CD164: variants seen among roughly 807,000 people sequenced by gnomAD.
CD164 encodes sialomucin core protein 24.
In CD164, 11 loss-of-function variants were observed where a neutral mutation model predicts 24.6. The observed-to-expected ratio is 0.45, with a 90% confidence interval of 0.28 to 0.74. The LOEUF (loss-of-function observed/expected upper bound fraction) is 0.74. Among genes scored for constraint, CD164 ranks in the 30% least tolerant of loss-of-function variants. The pLI is 0.13. For synonymous variants in CD164, 126 were observed against 100.3 expected (o/e 1.26, Z -1.53); for missense variants, 295 against 243.7 (o/e 1.21, Z -1.40).
At position 109,368,810 on chromosome 6, in the gene CD164, C is replaced by A. The variant is rs768492883; in HGVS notation, c.*41G>T. On this transcript the variant is annotated 3_prime_UTR_variant, in exon 6 of 6. Transcript: ENST00000310786. ...ATAGTATTTTGGCTTCAGTGAGTTA[C>A]ACAAATGAATCACCAGTCCTTATTA... 5 of 1,574,776 alleles carry A rather than the reference C, an allele frequency of 3.2e-6. No individual in the cohort carries two copies. Among genetic ancestry groups the A allele is most frequent in the Non-Finnish European group, 4.3e-6 (5 of 1,165,272 alleles).
chr6:109,372,452 T>C (rs1349717476), intron 4 of CD164: 1 of 152,212 alleles, frequency 6.6e-6, no homozygotes, highest in Non-Finnish European at 1.5e-5. Context: ...TTTATTAATA[T>C]TGATACTACT....
rs1271328811 is a variant in CD164 at position 109,377,905 on chromosome 6, C to G, written c.326G>C (p.Cys109Ser). The G allele has an allele frequency of 6.2e-7, 1 of 1,613,004 alleles. No homozygotes were observed. The highest frequency in any genetic ancestry group is 1.3e-5 in the African/African-American group (1 of 74,884). ...DCQVGNTTDF[C>S]SVSTATPVPT... ...CAGCCAATATGAATACTTACCGGAA[C>G]AGAAGTCTGTCGTGTTCCCCACTTG... The change falls in exon 3 of 6, where the codon TGT (cysteine) becomes TCT (serine). Residue 109 changes from cysteine (C) to serine (S), a missense_variant. Physicochemically the swap from Cys to Ser is moderately radical, Grantham distance 112. Transcript: ENST00000310786.
chr6:109,370,272 T>TG (rs1412668627), intron 5 of CD164, 139 bp downstream of exon 5: 7 of 667,956 alleles, frequency 1.0e-5, no homozygotes, highest in Non-Finnish European at 1.6e-5. Flanking sequence ...AGCACTACCT[T>TG]GATCCCCCCT....
intron 2 of CD164, among the ~76,000 whole-genome samples, chr6:109,378,274 A>T (rs1268343214): frequency 6.6e-6 from 1 of 152,198 alleles, no homozygotes; most frequent in Non-Finnish European, 1.5e-5. Context: ...ACTACTGTAC[A>T]ATCAAGAAAG....
intron 1 of CD164, chr6:109,381,392 A>T: frequency 4.6e-6 from 3 of 656,840 alleles, no homozygotes; most frequent in Non-Finnish European, 8.2e-6. Context: ...ATCTGAGCAC[A>T]GGACATAGTT....
rs1377946143 is a variant in CD164, at chr6:109,368,393, AAATT to A, written c.*454_*457del. The A allele has an allele frequency of 4.9e-5, 72 of 1,461,574 alleles. No individual in the cohort carries two copies. The Middle Eastern group carries it at 2.5e-3, about 50-fold the overall frequency. 90.5% of individuals were successfully genotyped at this position (1,461,574 alleles called of 1,614,324 possible). A position where few individuals can be genotyped will look rare whatever the true frequency, so the allele number is the denominator to read the frequency against. ...TCTAAGGATACCATTTAGTACTACTAAATTAATAAATTTATTCCACTTTTGAAAT... is the reference window on the plus strand; with the variant it reads ...TCTAAGGATACCATTTAGTACTACTAAATAAATTTATTCCACTTTTGAAAT... On this transcript the variant is annotated 3_prime_UTR_variant, in exon 6 of 6. Coordinates refer to ENST00000310786, the MANE Select transcript of CD164 (RefSeq NM_006016.6).
Position 109,368,732 on chromosome 6 carries a change from A to G in CD164, c.*119T>C. 1 of 1,441,600 alleles carries G rather than the reference A, an allele frequency of 6.9e-7. No individual in the cohort carries two copies. Among genetic ancestry groups the G allele is most frequent in the South Asian group, 1.6e-5 (1 of 62,434 alleles). 89.3% of individuals were successfully genotyped at this position (1,441,600 alleles called of 1,614,324 possible). A position where few individuals can be genotyped will look rare whatever the true frequency, so the allele number is the denominator to read the frequency against. On this transcript the variant is annotated 3_prime_UTR_variant, in exon 6 of 6. Transcript: ENST00000310786. ...GCTCCCAAACATCCTATATGCATCC[A>G]TGGAAATTTAAAGATCCTGGAATAG... is the stretch of plus-strand genomic sequence containing the variant.
intron 5 of CD164, among the ~76,000 whole-genome samples, chr6:109,369,818 G>C (rs2115142120): frequency 6.6e-6 from 1 of 152,260 alleles, no homozygotes; most frequent in African/African-American, 2.4e-5. Flanking sequence ...AGATTCATTA[G>C]CATCAGTTTT....
At chr6:109,370,310 TAACCATTAACGAAGA>T in intron 5 of CD164, 86 bp downstream of exon 5, 1 of 916,648 alleles carries the variant, frequency 1.1e-6, no homozygotes, top group East Asian at 2.5e-5. Flanking sequence ...TTCAGTTCCA[TAACCATTAACGAAGA>T]AAGCTGGAAA....
chr6:109,382,428 A>C lies in CD164; in HGVS notation c.-50T>G. On this transcript the variant is annotated 5_prime_UTR_variant, in exon 1 of 6. Transcript: ENST00000310786. ...GAGAAAGCTAAGGCTCGCAACGCTC[A>C]GTCAACCCCTCAATCCCCTGCGGCG... 3 of 1,450,534 alleles carry C rather than the reference A, an allele frequency of 2.1e-6. No individual in the cohort carries two copies. The highest frequency in any genetic ancestry group is 2.7e-6 in the Non-Finnish European group (3 of 1,094,180). The allele number at this position is 1,450,534 out of a possible 1,614,324, so 89.9% of individuals were successfully genotyped here.
intron 5 of CD164, 141 bp downstream of exon 5, chr6:109,370,270 C>T (rs1771002752): frequency 1.5e-6 from 1 of 663,778 alleles, no homozygotes; most frequent in African/African-American, 1.9e-5. Flanking sequence ...AAAGCACTAC[C>T]TTGATCCCCC....
In CD164 at chr6:109,368,743, A is replaced by C; in HGVS notation, c.*108T>G. The stretch of plus-strand genomic sequence containing the variant: ...TCCTATATGCATCCATGGAAATTTA[A>C]AGATCCTGGAATAGCGTCTTCCATG... On this transcript the variant is annotated 3_prime_UTR_variant, in exon 6 of 6. Transcript: ENST00000310786. 6.9e-7 allele frequency: 1 copy of C among 1,449,754 alleles called. No individual in the cohort carries two copies. The highest frequency in any genetic ancestry group is 9.1e-7 in the Non-Finnish European group (1 of 1,104,582). The allele number at this position is 1,449,754 out of a possible 1,614,324, so 89.8% of individuals were successfully genotyped here.
At chr6:109,382,080 C>T in intron 1 of CD164, 124 bp downstream of exon 1, 1 of 831,708 alleles carries the variant, frequency 1.2e-6, no homozygotes, top group Non-Finnish European at 1.6e-6. Context: ...GAGTCGCCGC[C>T]GCACCCCGAG....
rs772751932 is a variant in CD164, at chr6:109,377,971, T to A, written c.260A>T (p.Asp87Val). 1 of 1,612,566 alleles carries A rather than the reference T, an allele frequency of 6.2e-7. No individual in the cohort carries two copies. The highest frequency in any genetic ancestry group is 1.7e-5 in the Admixed American group (1 of 60,012). The change falls in exon 3 of 6, where the codon GAT (aspartate) becomes GTT (valine). Residue 87 changes from aspartate (D) to valine (V), a missense_variant and splice_region_variant. Coordinates refer to ENST00000310786, the MANE Select transcript of CD164 (RefSeq NM_006016.6). The stretch of plus-strand genomic sequence containing the variant: ...TGAGTTATGTGAACAATAGCTCTCA[T>A]CTGTTGGGGGGCAGGGGAAAAGAGA... Reference protein sequence around the residue: ...NTTCFWIECKDESYCSHNSTV... With the variant: ...NTTCFWIECKVESYCSHNSTV...
rs1771277758 is a variant in CD164, at chr6:109,374,361, GCTTA to G, written c.370+1709_370+1712del. Among the ~76,000 whole-genome samples, 4 of 152,134 alleles carry G rather than the reference GCTTA, an allele frequency of 2.6e-5. No homozygotes were observed. In the South Asian group the frequency reaches 6.2e-4, roughly 24 times the overall value. On this transcript the variant is annotated intron_variant, in intron 4 of 5. Transcript: ENST00000310786. ...CAATAGACTGCTCTTCCTCTTTCTTGCTTACTTTGGTGAAAATTCCTCCCCTTCT... is the reference window on the plus strand; with the variant it reads ...CAATAGACTGCTCTTCCTCTTTCTTGCTTTGGTGAAAATTCCTCCCCTTCT...
chr6:109,370,351 G>GTA lies in CD164; in HGVS notation c.427+58_427+59dup, dbSNP rs3831331. 70,647 of 1,345,912 alleles carry GTA rather than the reference G, an allele frequency of 0.052. 2,157 individuals are homozygous for GTA. Among genetic ancestry groups the GTA allele is most frequent in the Admixed American group, 0.095 (5,170 of 54,232 alleles). 83.4% of individuals were successfully genotyped at this position (1,345,912 alleles called of 1,614,324 possible). On this transcript the variant is annotated intron_variant, in intron 5 of 5. Coordinates refer to ENST00000310786, the MANE Select transcript of CD164 (RefSeq NM_006016.6). ...AAGCTGGAAAATGATGGCAGAAATT[G>GTA]TAAAGGGCAACATCGTGCACACATC...
At chr6:109,370,840 C>T (rs753331255) in intron 4 of CD164, 13 of 184,890 alleles carry the variant, frequency 7.0e-5, no homozygotes, top group Non-Finnish European at 1.1e-4. Context: ...CTATTAAAGT[C>T]GTAAGTTCTC....
intron 1 of CD164, chr6:109,381,711 G>A (rs1771759836): frequency 3.2e-6 from 2 of 616,768 alleles, no homozygotes; most frequent in Non-Finnish European, 5.8e-6. Context: ...GAGCATTACC[G>A]TCTTTAAGTT....
Position 109,379,605 on chromosome 6 carries a change from G to A in CD164, c.233C>T (p.Thr78Ile), listed in dbSNP as rs201168621. 69 of 1,613,360 alleles carry A rather than the reference G, an allele frequency of 4.3e-5. No individual in the cohort carries two copies. The Middle Eastern group carries it at 8.3e-4, about 19-fold the overall frequency. ...TTTACATTCTATCCAAAAGCAGGTA[G>A]TATTAACAACGCTAACATTAAAACA... ...VSCFNVSVVN[T>I]TCFWIECKDE... The change falls in exon 2 of 6, where the codon ACT becomes ATT. Residue 78 changes from threonine (T) to isoleucine (I), a missense_variant. Thr to Ile is a moderately conservative substitution (Grantham distance 89, BLOSUM62 -1). Transcript: ENST00000310786.
Sources: allele counts gnomAD v4.1 joint callset (sites outside exome capture counted in the v4.1 genomes callset), GRCh38; gene constraint gnomAD v4.1.1; transcripts MANE v1.5; gene names NCBI Gene and HGNC (gene_info 2026-07-23, HGNC 2026-07-21).